The following CNTFR variants were observed in gnomAD, a reference collection of about 807,000 sequenced individuals.
CNTFR encodes ciliary neurotrophic factor receptor.
CNTFR carries 12 observed loss-of-function variants against 40.4 expected under a neutral mutation model. The observed-to-expected ratio is 0.30, with a 90% CI of 0.19 to 0.48. CNTFR has a LOEUF of 0.48. Ranked by LOEUF, CNTFR falls within the 20% of genes least tolerant of loss-of-function variation. The pLI is 0.99. For missense variants in CNTFR, 414 were observed against 506.8 expected (o/e 0.82, Z 1.76); for synonymous variants, 202 against 209.6 (o/e 0.96, Z 0.31).
chr9:34,560,966 G>A (rs748942792), intron 4 of CNTFR, among the ~76,000 whole-genome samples: 50 of 152,198 alleles, frequency 3.3e-4, no homozygotes, highest in Non-Finnish European at 6.3e-4. Flanking sequence ...CATGAGGCCT[G>A]CCCGCCGGCC....
At chr9:34,572,322 G>A (rs993216752) in intron 2 of CNTFR, among the ~76,000 whole-genome samples, 6 of 151,986 alleles carry the variant, frequency 3.9e-5, no homozygotes, top group Non-Finnish European at 7.4e-5. Flanking sequence ...CTCACTCCAG[G>A]CCACCCATCC....
At chr9:34,564,078 C>T (rs900541870) in intron 4 of CNTFR, among the ~76,000 whole-genome samples, 1 of 152,104 alleles carries the variant, frequency 6.6e-6, no homozygotes, top group African/African-American at 2.4e-5. Flanking sequence ...TGTTTCAATG[C>T]GTCTTCTAAA....
At chr9:34,563,492 C>A (rs1006296452) in intron 4 of CNTFR, among the ~76,000 whole-genome samples, 4 of 152,242 alleles carry the variant, frequency 2.6e-5, no homozygotes, top group African/African-American at 9.6e-5. Flanking sequence ...TCACTCTTTA[C>A]TGACTAACCT....
intron 1 of CNTFR, among the ~76,000 whole-genome samples, chr9:34,587,955 C>G (rs1827610871): frequency 6.6e-6 from 1 of 152,144 alleles, no homozygotes; most frequent in South Asian, 2.1e-4. Flanking sequence ...ATATGAGCCC[C>G]ACAACGTAAG....
chr9:34,588,738 T>C (rs1036563560), intron 1 of CNTFR, among the ~76,000 whole-genome samples: 7 of 152,052 alleles, frequency 4.6e-5, no homozygotes, highest in African/African-American at 1.4e-4. Flanking sequence ...GAGCTAACGC[T>C]GGAGGAGAGG....
At position 34,558,115 on chromosome 9, in the gene CNTFR, G is replaced by A. The variant is rs1825924607; in HGVS notation, c.320-131C>T. ...TCATTGATGCCAAAGTTGTGGCGGG[G>A]AGGCTGTCAGCGAGGGTCTGAGGCT... On this transcript the variant is annotated intron_variant, in intron 4 of 9. Coordinates refer to ENST00000378980, the MANE Select transcript of CNTFR (RefSeq NM_147164.3). 48 of 602,624 alleles carry A rather than the reference G, an allele frequency of 8.0e-5. No homozygotes were observed. In the East Asian group the frequency reaches 1.4e-3, roughly 17 times the overall value. 37.3% of individuals were successfully genotyped at this position (602,624 alleles called of 1,614,324 possible).
At chr9:34,572,213 T>C (rs1454057675) in intron 2 of CNTFR, among the ~76,000 whole-genome samples, 1 of 151,110 alleles carries the variant, frequency 6.6e-6, no homozygotes, top group African/African-American at 2.4e-5. Flanking sequence ...CCCAGGCCAG[T>C]TTCACTTCCC....
Position 34,564,600 on chromosome 9 carries a change from G to T in CNTFR, c.318C>A (p.Gly106=). Residue 106 remains glycine, a splice_region_variant and synonymous_variant, in exon 4 of 10, where the codon GGC becomes GGA. Coordinates refer to ENST00000378980, the MANE Select transcript of CNTFR (RefSeq NM_147164.3). ...ATGAGGGGTGGGGGCAACACTTACA[G>T]CCCACATGCAGCAGGACTTGGTGGC... ...HLRHQVLLHV[G]LPPREPVLSC... The T allele has an allele frequency of 6.2e-7, 1 of 1,606,870 alleles. No individual in the cohort carries two copies.
At position 34,552,605 on chromosome 9, in the gene CNTFR, C is replaced by A. The variant is rs754923989; in HGVS notation, c.949+69G>T. 63 of 1,511,750 alleles carry A rather than the reference C, an allele frequency of 4.2e-5. No homozygotes were observed. The highest frequency in any genetic ancestry group is 5.5e-5 in the Non-Finnish European group (62 of 1,120,806). 93.6% of individuals were successfully genotyped at this position (1,511,750 alleles called of 1,614,324 possible). ...GAGGCTGGAGGCAGCAGGGTAGAACCAGGCCACAGGTTCTACCACAGGCCT... is the reference window on the plus strand; with the variant it reads ...GAGGCTGGAGGCAGCAGGGTAGAACAAGGCCACAGGTTCTACCACAGGCCT... On this transcript the variant is annotated intron_variant, in intron 8 of 9. Transcript: ENST00000378980. This position sits in a 1 kb window ranked among gnomAD's most constrained non-coding sequence, Gnocchi z 5.1.
intron 4 of CNTFR, among the ~76,000 whole-genome samples, chr9:34,561,792 A>G (rs1826088208): frequency 6.6e-6 from 1 of 152,208 alleles, no homozygotes; most frequent in Non-Finnish European, 1.5e-5. Context: ...TCTTGTTACT[A>G]ATATAAAGTG....
At chr9:34,578,386 G>C (rs889857106) in intron 2 of CNTFR, among the ~76,000 whole-genome samples, 8 of 152,162 alleles carry the variant, frequency 5.3e-5, no homozygotes, top group Admixed American at 5.2e-4. Flanking sequence ...GATGCTGGGG[G>C]AGGGGAGGCA....
chr9:34,576,998 G>GC (rs1206347894), intron 2 of CNTFR, among the ~76,000 whole-genome samples: 4 of 152,206 alleles, frequency 2.6e-5, no homozygotes, highest in Non-Finnish European at 5.9e-5. Context: ...CAAAGCCCTG[G>GC]CATCACTGTC....
At chr9:34,559,292 T>A (rs1825973371) in intron 4 of CNTFR, among the ~76,000 whole-genome samples, 2 of 152,144 alleles carry the variant, frequency 1.3e-5, no homozygotes, top group South Asian at 4.1e-4. Flanking sequence ...GTATGTGTGA[T>A]GCTGGGAGGG....
At chr9:34,580,863 A>G (rs1827256808) in intron 2 of CNTFR, among the ~76,000 whole-genome samples, 1 of 152,140 alleles carries the variant, frequency 6.6e-6, no homozygotes, top group African/African-American at 2.4e-5. Flanking sequence ...CCAGTTTCCT[A>G]ACCTGGTGTT....
At chr9:34,575,873 T>G (rs1826936042) in intron 2 of CNTFR, among the ~76,000 whole-genome samples, 1 of 152,166 alleles carries the variant, frequency 6.6e-6, no homozygotes, top group Non-Finnish European at 1.5e-5. Context: ...TGCACGCTAC[T>G]TCTGAGGAGC....
chr9:34,569,524 G>A (rs1826480910), intron 2 of CNTFR: 1 of 153,728 alleles, frequency 6.5e-6, no homozygotes, highest in Non-Finnish European at 1.4e-5. Context: ...TGCTTTGAAT[G>A]GCAGGCCCCC....
chr9:34,574,263 G>A (rs964127366), intron 2 of CNTFR, among the ~76,000 whole-genome samples: 2 of 152,146 alleles, frequency 1.3e-5, no homozygotes, highest in African/African-American at 2.4e-5. Flanking sequence ...AGCCATGGGC[G>A]GGCAGGTTCC....
chr9:34,574,102 C>T (rs147295251), intron 2 of CNTFR, among the ~76,000 whole-genome samples: 2,400 of 104,758 alleles, frequency 0.023, 62 homozygotes, highest in East Asian at 0.1. Flanking sequence ...GCGGTGGGGG[C>T]GGGGGCAGAG....
chr9:34,579,693 G>A (rs1291546579), intron 2 of CNTFR, among the ~76,000 whole-genome samples: 2 of 152,152 alleles, frequency 1.3e-5, no homozygotes, highest in African/African-American at 2.4e-5. Flanking sequence ...ACCATGGGCA[G>A]CAGGGAGAAG....
Sources: allele counts gnomAD v4.1 joint callset (sites outside exome capture counted in the v4.1 genomes callset), GRCh38; gene constraint gnomAD v4.1.1; non-coding constraint Gnocchi (gnomAD v3.1); transcripts MANE v1.5; gene names NCBI Gene and HGNC (gene_info 2026-07-23, HGNC 2026-07-21).